The following UBE2E2 variants were observed in gnomAD, a reference collection of about 807,000 sequenced individuals.
UBE2E2 encodes ubiquitin conjugating enzyme E2 E2, also known as ubiquitin-conjugating enzyme E2 E2.
A neutral mutation model predicts 24.7 loss-of-function variants in UBE2E2; 6 were observed. The observed-to-expected ratio is 0.24, with a 90% CI of 0.13 to 0.48. The LOEUF (loss-of-function observed/expected upper bound fraction) is 0.48, where lower values mean the gene tolerates loss of function less well. Among genes scored for constraint, UBE2E2 ranks in the 20% least tolerant of loss-of-function variants. UBE2E2 has a pLI of 0.99. For missense variants in UBE2E2, 169 were observed against 245.0 expected, an observed-to-expected ratio of 0.69 and a Z score of 2.07; for synonymous variants, 104 against 83.6, an observed-to-expected ratio of 1.24 and a Z score of -1.33.
chr3:23,529,480 G>A lies in UBE2E2; in HGVS notation c.361-3074G>A, dbSNP rs113275190. Reference sequence around the variant, plus strand: ...ATAAATTTTTAACGAAAGAACAGAGGCATTGATGCTGAGAGACAAACCGTA... The same window carrying A: ...ATAAATTTTTAACGAAAGAACAGAGACATTGATGCTGAGAGACAAACCGTA... On this transcript the variant is annotated intron_variant, in intron 4 of 5. Transcript: ENST00000396703. 5.4e-3 allele frequency among the ~76,000 whole-genome samples: 826 copies of A among 152,222 alleles called. 7 individuals carry two copies. Among genetic ancestry groups the A allele is most frequent in the African/African-American group, 0.019 (788 of 41,526 alleles).
At chr3:23,349,897 G>T (rs1226919073) in intron 3 of UBE2E2, among the ~76,000 whole-genome samples, 3 of 152,362 alleles carry the variant, frequency 2.0e-5, no homozygotes, top group Admixed American at 6.5e-5. Flanking sequence ...CTCCCAGCAG[G>T]CAGCTGGAGA....
chr3:23,477,374 T>G (rs1699162285), intron 3 of UBE2E2, among the ~76,000 whole-genome samples: 1 of 152,206 alleles, frequency 6.6e-6, no homozygotes, highest in Non-Finnish European at 1.5e-5. Context: ...TTAGGGAGGT[T>G]GTTTTTAAAA....
chr3:23,353,593 C>G (rs991225380), intron 3 of UBE2E2, among the ~76,000 whole-genome samples: 7 of 152,098 alleles, frequency 4.6e-5, no homozygotes, highest in South Asian at 2.1e-4. Flanking sequence ...ACACCAATAG[C>G]AGACAAACAG....
At chr3:23,310,030 GA>G (rs1694328287) in intron 3 of UBE2E2, among the ~76,000 whole-genome samples, 1 of 152,160 alleles carries the variant, frequency 6.6e-6, no homozygotes, top group Non-Finnish European at 1.5e-5. Flanking sequence ...TTCTTTTTAT[GA>G]GAAGGAAATC....
At chr3:23,230,772 G>C (rs1696952989) in intron 3 of UBE2E2, among the ~76,000 whole-genome samples, 1 of 147,648 alleles carries the variant, frequency 6.8e-6, no homozygotes. Flanking sequence ...GGCAGCAAGA[G>C]CGAAACTCCT....
At chr3:23,542,588 A>C (rs1431388930) in intron 5 of UBE2E2, among the ~76,000 whole-genome samples, 2 of 152,118 alleles carry the variant, frequency 1.3e-5, no homozygotes, top group Non-Finnish European at 2.9e-5. Flanking sequence ...GTGAAAAAGA[A>C]AGTTTTAGAT....
chr3:23,579,668 C>T (rs889239728), intron 5 of UBE2E2, among the ~76,000 whole-genome samples: 3 of 151,952 alleles, frequency 2.0e-5, no homozygotes, highest in Non-Finnish European at 4.4e-5. Flanking sequence ...CCACTGCACT[C>T]CAGCCTGGGC....
At chr3:23,432,829 CATT>C (rs1433635921) in intron 3 of UBE2E2, among the ~76,000 whole-genome samples, 3 of 151,664 alleles carry the variant, frequency 2.0e-5, no homozygotes, top group African/African-American at 7.3e-5. Flanking sequence ...TTGATAATGA[CATT>C]AATAATTTAA....
Position 23,582,891 on chromosome 3 carries a change from G to GTGTGTGTGTGTGTGTGTGTA in UBE2E2, c.509-6840_509-6839insGTGTGTGTGTGTGTGTATGT, listed in dbSNP as rs1553622745. Among the ~76,000 whole-genome samples the GTGTGTGTGTGTGTGTGTGTA allele has an allele frequency of 5.9e-4, 88 of 148,724 alleles. 1 individual carries two copies. Among genetic ancestry groups the GTGTGTGTGTGTGTGTGTGTA allele is most frequent in the African/African-American group, 2.0e-3 (81 of 39,876 alleles). On this transcript the variant is annotated intron_variant, in intron 5 of 5. Coordinates refer to ENST00000396703, the MANE Select transcript of UBE2E2 (RefSeq NM_152653.4). Reference sequence around the variant, plus strand: ...TGTGTGTGTGTGTGTGTGTGTGTGTGTGTTGTGTGTTTGTTTGCTGTGCAG... The same window carrying GTGTGTGTGTGTGTGTGTGTA: ...TGTGTGTGTGTGTGTGTGTGTGTGTGTGTGTGTGTGTGTGTGTGTATGTTGTGTGTTTGTTTGCTGTGCAG...
Position 23,494,946 on chromosome 3 carries a change from A to AT in UBE2E2, c.228-4654dup, listed in dbSNP as rs574384983. On this transcript the variant is annotated intron_variant, in intron 3 of 5. Coordinates refer to ENST00000396703, the MANE Select transcript of UBE2E2 (RefSeq NM_152653.4). ...ACCACCACACCTGGCAAATTTTTGT[A>AT]TTTTTTTTAGTAAAGATGGGGTTTC... Among the ~76,000 whole-genome samples, 211 of 151,228 alleles carry AT rather than the reference A, an allele frequency of 1.4e-3. 2 individuals carry two copies. The highest frequency in any genetic ancestry group is 3.2e-3 in the Middle Eastern group (1 of 314).
chr3:23,363,674 C>T (rs747278999), intron 3 of UBE2E2, among the ~76,000 whole-genome samples: 1 of 152,166 alleles, frequency 6.6e-6, no homozygotes, highest in African/African-American at 2.4e-5. Flanking sequence ...TATGAAGAGA[C>T]TTGGATAGCC....
chr3:23,571,495 G>A (rs1395354671), intron 5 of UBE2E2, among the ~76,000 whole-genome samples: 1 of 151,172 alleles, frequency 6.6e-6, no homozygotes, highest in African/African-American at 2.4e-5. Context: ...TCACCATGTT[G>A]GTCAGACTGG....
chr3:23,352,139 T>C (rs1488379642), intron 3 of UBE2E2, among the ~76,000 whole-genome samples: 1 of 151,632 alleles, frequency 6.6e-6, no homozygotes, highest in Non-Finnish European at 1.5e-5. Flanking sequence ...GACTACTGGG[T>C]ACATAACGAA....
chr3:23,286,378 T>G (rs572854405), intron 3 of UBE2E2, among the ~76,000 whole-genome samples: 6 of 152,174 alleles, frequency 3.9e-5, no homozygotes, highest in Non-Finnish European at 8.8e-5. Flanking sequence ...GGACATCCAG[T>G]TTTCCTAGAA....
At chr3:23,278,766 T>G (rs1036768144) in intron 3 of UBE2E2, among the ~76,000 whole-genome samples, 8 of 152,140 alleles carry the variant, frequency 5.3e-5, no homozygotes, top group Non-Finnish European at 1.0e-4. Flanking sequence ...GAAACCAATT[T>G]AGAATAATAA....
chr3:23,447,425 A>G (rs1698460721), intron 3 of UBE2E2, among the ~76,000 whole-genome samples: 1 of 152,208 alleles, frequency 6.6e-6, no homozygotes, highest in Non-Finnish European at 1.5e-5. Flanking sequence ...ACAAGTAGTT[A>G]TTGTGAGTTA....
At chr3:23,291,939 G>A (rs559640105) in intron 3 of UBE2E2, among the ~76,000 whole-genome samples, 28 of 142,670 alleles carry the variant, frequency 2.0e-4, no homozygotes, top group Admixed American at 2.3e-4. Flanking sequence ...GCTCACTGCA[G>A]GCTCCACCTC....
chr3:23,272,377 G>A (rs371275805), intron 3 of UBE2E2, among the ~76,000 whole-genome samples: 9 of 151,666 alleles, frequency 5.9e-5, no homozygotes, highest in East Asian at 2.0e-4. Context: ...GTTCCCACCC[G>A]TGCCTCTCCT....
At chr3:23,394,953 G>T (rs1172827430) in intron 3 of UBE2E2, among the ~76,000 whole-genome samples, 2 of 152,120 alleles carry the variant, frequency 1.3e-5, no homozygotes, top group Non-Finnish European at 2.9e-5. Context: ...TAAGTCCTCT[G>T]TGTGGACCCT....
Sources: gnomAD v4.1 joint callset for allele counts (sites outside exome capture counted in the v4.1 genomes callset) on GRCh38, gnomAD v4.1.1 for gene constraint, MANE v1.5 for transcripts, NCBI Gene and HGNC (gene_info 2026-07-23, HGNC 2026-07-21) for gene names.